Variants in SMC6 observed in about 807,000 individuals in gnomAD.
SMC6 encodes the protein structural maintenance of chromosomes protein 6.
A neutral mutation model predicts 142.2 loss-of-function variants in SMC6; 79 were observed. That is an observed-to-expected ratio of 0.56 (90% CI 0.46 to 0.67). The LOEUF (loss-of-function observed/expected upper bound fraction) is 0.67. Among genes scored for constraint, SMC6 ranks in the 30% least tolerant of loss-of-function variants. The probability of loss-of-function intolerance (pLI) is 0.00; values close to 1 mark genes in which losing one functional copy is unlikely to be tolerated. For synonymous variants in SMC6, 411 were observed against 412.4 expected, an observed-to-expected ratio of 1.00 and a Z score of 0.04; for missense variants, 1,072 against 1,284.0, an observed-to-expected ratio of 0.83 and a Z score of 2.52.
chr2:17,737,856 T>C (rs1670230938), intron 5 of SMC6, among the ~76,000 whole-genome samples: 1 of 152,150 alleles, frequency 6.6e-6, no homozygotes, highest in South Asian at 2.1e-4. Flanking sequence ...CTCCCTACTA[T>C]CGTATCAATG....
intron 16 of SMC6, among the ~76,000 whole-genome samples, chr2:17,709,975 A>G (rs1171229330): frequency 2.6e-5 from 4 of 152,192 alleles, no homozygotes; most frequent in Non-Finnish European, 4.4e-5. Context: ...GATAAGAAAG[A>G]TGGTGAGAGG....
At position 17,745,828 on chromosome 2, in the gene SMC6, A is replaced by C; in HGVS notation, c.119T>G (p.Leu40Trp). 2 of 1,604,008 alleles carry C rather than the reference A, an allele frequency of 1.2e-6. No homozygotes were observed. The highest frequency in any genetic ancestry group is 8.5e-7 in the Non-Finnish European group (1 of 1,176,426). ...GDEDECKGTTLTAAEVGIIES... is the reference protein window; with the variant it reads ...GDEDECKGTTWTAAEVGIIES... ...ATAATTTTGTAATTTTTCGCTTACCAAAGTAGTACCTTTACATTCGTCTTC... is the reference window on the plus strand; with the variant it reads ...ATAATTTTGTAATTTTTCGCTTACCCAAGTAGTACCTTTACATTCGTCTTC... The change falls in exon 3 of 28, where the codon TTG becomes TGG. Residue 40 changes from leucine to tryptophan, a missense_variant and splice_region_variant. By Grantham distance (61) the Leu-to-Trp change is moderately conservative. Coordinates refer to ENST00000448223, the MANE Select transcript of SMC6 (RefSeq NM_001142286.2).
chr2:17,746,905 G>A (rs183015996), intron 2 of SMC6, among the ~76,000 whole-genome samples: 1 of 152,118 alleles, frequency 6.6e-6, no homozygotes, highest in East Asian at 1.9e-4. Context: ...ACAGTTCTAG[G>A]CTCAATGTAC....
At chr2:17,688,433 C>G (rs553678411) in intron 23 of SMC6, among the ~76,000 whole-genome samples, 1 of 152,022 alleles carries the variant, frequency 6.6e-6, no homozygotes, top group East Asian at 1.9e-4. Flanking sequence ...CATGCAGTGG[C>G]TCATGCCTGT....
chr2:17,734,276 T>G (rs373674069), intron 5 of SMC6, among the ~76,000 whole-genome samples: 2 of 152,224 alleles, frequency 1.3e-5, no homozygotes, highest in African/African-American at 4.8e-5. Context: ...TGAATATATA[T>G]CCCTGCATCT....
At chr2:17,670,613 G>A in intron 25 of SMC6, 38 bp from the exon 26 acceptor site, 1 of 1,486,898 alleles carries the variant, frequency 6.7e-7, no homozygotes, top group Non-Finnish European at 8.9e-7. Context: ...AAAAAACTAA[G>A]TAAATGAAAG....
At chr2:17,696,231 CT>C in intron 22 of SMC6, 57 bp downstream of exon 22, 1 of 1,551,640 alleles carries the variant, frequency 6.4e-7, no homozygotes, top group South Asian at 1.2e-5. Flanking sequence ...GGAAAACACA[CT>C]TTAATAATCA....
At chr2:17,694,288 G>C (rs1056389085) in intron 23 of SMC6, among the ~76,000 whole-genome samples, 1 of 152,144 alleles carries the variant, frequency 6.6e-6, no homozygotes, top group Admixed American at 6.6e-5. Context: ...CTGTTTGATA[G>C]CACAGTAGGG....
chr2:17,691,233 T>TACACACACAC (rs138226968), intron 23 of SMC6, among the ~76,000 whole-genome samples: 1 of 123,164 alleles, frequency 8.1e-6, no homozygotes, highest in Non-Finnish European at 1.8e-5. Flanking sequence ...AAAATGTGTA[T>TACACACACAC]ACACACACAC....
intron 18 of SMC6, among the ~76,000 whole-genome samples, chr2:17,704,704 A>C (rs982083749): frequency 5.9e-5 from 9 of 152,210 alleles, no homozygotes; most frequent in African/African-American, 1.7e-4. Context: ...GGTACATAAA[A>C]TAATAGTATA....
In SMC6 at chr2:17,753,631, A is replaced by C. The variant is rs1165709466; in HGVS notation, c.-98T>G. On this transcript the variant is annotated 5_prime_UTR_variant, in exon 1 of 28. Coordinates refer to ENST00000448223, the MANE Select transcript of SMC6 (RefSeq NM_001142286.2). ...AGCGCGCGCCTTCACCCTACCGCCAACAAGTCGAAGTCTCCCAAAGGAACC... is the reference window on the plus strand; with the variant it reads ...AGCGCGCGCCTTCACCCTACCGCCACCAAGTCGAAGTCTCCCAAAGGAACC... 6.6e-6 allele frequency: 1 copy of C among 152,170 alleles called. No homozygotes were observed. The highest frequency in any genetic ancestry group is 2.4e-5 in the African/African-American group (1 of 41,458). The allele number at this position is 152,170 out of a possible 1,614,324, so 9.4% of individuals were successfully genotyped here.
Position 17,715,057 on chromosome 2 carries a change from T to C in SMC6, c.1534A>G (p.Ile512Val), listed in dbSNP as rs777807384. ...GCAAGTTCTGGGTCCCGAAGATGAA[T>C]GCAAGCTCCTAAAAGTGAGAGAAAA... is the stretch of plus-strand genomic sequence containing the variant. ...YKPVGPLGAC[I>V]HLRDPELALA... Residue 512 changes from isoleucine to valine, a missense_variant, in exon 16 of 28, where the codon ATT (isoleucine) becomes GTT (valine). Ile to Val is a conservative substitution (Grantham distance 29). This residue lies in a region of SMC6 where 994 missense variants were observed against 1,153.2 expected (regional missense o/e 0.86). Transcript: ENST00000448223. The C allele has an allele frequency of 6.2e-7, 1 of 1,613,052 alleles. No individual in the cohort carries two copies. The highest frequency in any genetic ancestry group is 8.5e-7 in the Non-Finnish European group (1 of 1,179,772).
chr2:17,728,997 G>A (rs937542036), intron 7 of SMC6, among the ~76,000 whole-genome samples: 3 of 152,134 alleles, frequency 2.0e-5, no homozygotes, highest in East Asian at 1.9e-4. Context: ...TGATCCACCC[G>A]TCTCAGCCTC....
At position 17,699,291 on chromosome 2, in the gene SMC6, T is replaced by C. The variant is rs1437833532; in HGVS notation, c.2394+917A>G. Reference sequence around the variant, plus strand: ...ACTTGAAAAATGTGCCACTTCCATCTGGTCTCCATGGTTTCTGATGAGAAA... The same window carrying C: ...ACTTGAAAAATGTGCCACTTCCATCCGGTCTCCATGGTTTCTGATGAGAAA... On this transcript the variant is annotated intron_variant, in intron 21 of 27. Transcript: ENST00000448223. Among the ~76,000 whole-genome samples the C allele has an allele frequency of 2.0e-5, 3 of 152,148 alleles. No homozygotes were observed. The East Asian group carries it at 5.8e-4, about 29-fold the overall frequency.
intron 3 of SMC6, among the ~76,000 whole-genome samples, chr2:17,742,178 G>A (rs2125075153): frequency 6.6e-6 from 1 of 152,312 alleles, no homozygotes; most frequent in East Asian, 1.9e-4. Flanking sequence ...GTTGAGAACT[G>A]CTATCCAATT....
rs938370266 is a variant in SMC6 at position 17,736,670 on chromosome 2, T to C, written c.344+1551A>G. Among the ~76,000 whole-genome samples, 6 of 150,680 alleles carry C rather than the reference T, an allele frequency of 4.0e-5. No individual in the cohort carries two copies. The East Asian group carries it at 9.7e-4, about 24-fold the overall frequency. On this transcript the variant is annotated intron_variant, in intron 5 of 27. Coordinates refer to ENST00000448223, the MANE Select transcript of SMC6 (RefSeq NM_001142286.2). ...CAGGTAGATCACTTGAGCCCAGGAGTTGAGCCCAGGAGTTCGAGGCCAGGC... is the reference window on the plus strand; with the variant it reads ...CAGGTAGATCACTTGAGCCCAGGAGCTGAGCCCAGGAGTTCGAGGCCAGGC...
At chr2:17,684,196 A>C (rs1053672095) in intron 23 of SMC6, among the ~76,000 whole-genome samples, 3 of 152,192 alleles carry the variant, frequency 2.0e-5, no homozygotes, top group African/African-American at 7.2e-5. Context: ...TAAACAAGAT[A>C]AGATCAAAGA....
In SMC6 at chr2:17,670,575, C is replaced by T. The variant is rs1666706918; in HGVS notation, c.2911G>A (p.Val971Ile). 4 of 1,534,794 alleles carry T rather than the reference C, an allele frequency of 2.6e-6. No homozygotes were observed. The highest frequency in any genetic ancestry group is 3.5e-6 in the Non-Finnish European group (4 of 1,149,754). Residue 971 changes from valine (V) to isoleucine (I), a missense_variant and splice_region_variant, in exon 26 of 28, where the codon GTT (valine) becomes ATT (isoleucine). Around this residue, in one of 3 missense-constraint regions of SMC6, gnomAD observed 994 missense variants for 1,153.2 expected, o/e 0.86. Coordinates refer to ENST00000448223, the MANE Select transcript of SMC6 (RefSeq NM_001142286.2). Reference protein sequence around the residue: ...DHKNETLSISVQPGEGNKAAF... With the variant: ...DHKNETLSISIQPGEGNKAAF... ...GCTTTATTTCCTTCTCCAGGCTGAA[C>T]CTTGAAGAGAATGAGTTGACAAGGA...
chr2:17,741,172 AT>A (rs936287677), intron 4 of SMC6, among the ~76,000 whole-genome samples: 1 of 152,116 alleles, frequency 6.6e-6, no homozygotes, highest in Admixed American at 6.5e-5. Flanking sequence ...ATAATCGATA[AT>A]TTTCATTCAA....
Sources: gnomAD v4.1 joint callset for allele counts (sites outside exome capture counted in the v4.1 genomes callset) on GRCh38, gnomAD v4.1.1 for gene constraint, gnomAD v4.1.1 regional missense constraint, MANE v1.5 for transcripts, NCBI Gene and HGNC (gene_info 2026-07-23, HGNC 2026-07-21) for gene names.